Variants in REEP5 observed in about 807,000 individuals in gnomAD.
REEP5 encodes receptor accessory protein 5, also known as receptor expression-enhancing protein 5.
In REEP5, 24 loss-of-function variants were observed where a neutral mutation model predicts 22.4. That is an observed-to-expected ratio of 1.07 (90% CI 0.78 to 1.51). The LOEUF is 1.51. Among genes scored for constraint, REEP5 ranks in the 40% most tolerant of loss-of-function variants. The pLI is 0.00. For synonymous variants in REEP5, 103 were observed against 88.6 expected (o/e 1.16, Z -0.92); for missense variants, 252 against 233.0 (o/e 1.08, Z -0.53).
intron 2 of REEP5, among the ~76,000 whole-genome samples, chr5:112,919,451 G>A (rs1004727502): frequency 6.6e-6 from 1 of 152,028 alleles, no homozygotes. Flanking sequence ...GGGAGGCTGA[G>A]GCAGGAGAAT....
In REEP5 at chr5:112,921,162, C is replaced by A. The variant is rs1363931116; in HGVS notation, c.212+1G>T. ...GGACGGCTGCAGGGTGTGTCACTTA[C>A]GAGATGTAGGCTGGGTAGCCAAATC... On this transcript the variant is annotated splice_donor_variant, in intron 2 of 4. Transcript: ENST00000379638. LOFTEE classifies it high-confidence loss of function. The A allele has an allele frequency of 2.5e-6, 4 of 1,613,990 alleles. No individual in the cohort carries two copies. In the East Asian group the frequency reaches 8.9e-5, roughly 36 times the overall value.
chr5:112,916,348 T>C (rs567346705), intron 2 of REEP5, among the ~76,000 whole-genome samples: 2 of 152,362 alleles, frequency 1.3e-5, no homozygotes, highest in South Asian at 4.1e-4. Context: ...TACTTGTCTC[T>C]TGAAACAGAA....
At chr5:112,882,362 A>G (rs1322192768) in intron 4 of REEP5, among the ~76,000 whole-genome samples, 1 of 152,156 alleles carries the variant, frequency 6.6e-6, no homozygotes, top group East Asian at 1.9e-4. Context: ...ATCCTGATTC[A>G]GAGTTCTTCC....
At chr5:112,904,892 G>C (rs1479845329) in intron 2 of REEP5, among the ~76,000 whole-genome samples, 1 of 151,746 alleles carries the variant, frequency 6.6e-6, no homozygotes, top group Non-Finnish European at 1.5e-5. Flanking sequence ...TAATATACTA[G>C]AACACTATAT....
At chr5:112,913,157 T>C (rs1169783120) in intron 2 of REEP5, among the ~76,000 whole-genome samples, 2 of 151,782 alleles carry the variant, frequency 1.3e-5, no homozygotes, top group Admixed American at 1.3e-4. Flanking sequence ...CACAAAAAAT[T>C]GGTGGCAGAT....
chr5:112,897,199 A>AATACATACAT (rs985120467), intron 3 of REEP5: 3 of 152,204 alleles, frequency 2.0e-5, no homozygotes, highest in Non-Finnish European at 1.5e-5. Context: ...TTAAGACAGC[A>AATACATACAT]ATACATACAT....
rs60109818 is a variant in REEP5, at chr5:112,877,981, CTGTGTGTGTGTGTGTGTGTGTGTGTG to C, written c.*779_*804del. 6 of 147,644 alleles carry C rather than the reference CTGTGTGTGTGTGTGTGTGTGTGTGTG, an allele frequency of 4.1e-5. No individual in the cohort carries two copies. The highest frequency in any genetic ancestry group is 1.0e-4 in the African/African-American group (4 of 39,546). 9.1% of individuals were successfully genotyped at this position (147,644 alleles called of 1,614,324 possible). ...AGGGAATTGAGAGTTACAGGTTACT[CTGTGTGTGTGTGTGTGTGTGTGTGTG>C]TGTGTGTGTGTGTGTAAATTTCCCG... is the stretch of plus-strand genomic sequence containing the variant. On this transcript the variant is annotated 3_prime_UTR_variant, in exon 5 of 5. Coordinates refer to ENST00000379638, the MANE Select transcript of REEP5 (RefSeq NM_005669.5).
chr5:112,912,956 A>C (rs923588471), intron 2 of REEP5, among the ~76,000 whole-genome samples: 1 of 152,260 alleles, frequency 6.6e-6, no homozygotes, highest in Non-Finnish European at 1.5e-5. Context: ...TTCACTGCAG[A>C]GTATATGTGC....
intron 3 of REEP5, among the ~76,000 whole-genome samples, chr5:112,900,773 A>G (rs940309638): frequency 2.0e-5 from 3 of 152,100 alleles, no homozygotes; most frequent in African/African-American, 7.2e-5. Flanking sequence ...GCCTGATGGG[A>G]TAGCTGATAC....
intron 3 of REEP5, chr5:112,898,371 A>G (rs1768755516): frequency 6.6e-6 from 1 of 152,262 alleles, no homozygotes; most frequent in African/African-American, 2.4e-5. Context: ...CATGAACACT[A>G]TGATGCCATG....
chr5:112,900,554 T>C (rs1768816400), intron 3 of REEP5, among the ~76,000 whole-genome samples: 1 of 152,184 alleles, frequency 6.6e-6, no homozygotes, highest in African/African-American at 2.4e-5. Flanking sequence ...AGCTGTGAAC[T>C]ATAACCCAGG....
At chr5:112,918,503 G>T (rs1273105457) in intron 2 of REEP5, among the ~76,000 whole-genome samples, 1 of 152,290 alleles carries the variant, frequency 6.6e-6, no homozygotes, top group South Asian at 2.1e-4. Flanking sequence ...TCTTGTGATG[G>T]CCCAAGGAGA....
rs1389586235 is a variant in REEP5, at chr5:112,876,682, C to CAATT, written c.*2100_*2103dup. On this transcript the variant is annotated 3_prime_UTR_variant, in exon 5 of 5. Transcript: ENST00000379638. Reference sequence around the variant, plus strand: ...CTTGTTTTCTAGCCAGGCACAGGCTCAATTAGTTTTTCAAACTCTAGCCAA... The same window carrying CAATT: ...CTTGTTTTCTAGCCAGGCACAGGCTCAATTAATTAGTTTTTCAAACTCTAGCCAA... The CAATT allele has an allele frequency of 1.3e-5, 2 of 152,184 alleles. No individual in the cohort carries two copies. Among genetic ancestry groups the CAATT allele is most frequent in the Non-Finnish European group, 2.9e-5 (2 of 68,040 alleles). 9.4% of individuals were successfully genotyped at this position (152,184 alleles called of 1,614,324 possible). A position where few individuals can be genotyped will look rare whatever the true frequency, so the allele number is the denominator to read the frequency against.
chr5:112,882,619 C>T (rs73220063), intron 4 of REEP5, among the ~76,000 whole-genome samples: 9,314 of 152,242 alleles, frequency 0.061, 702 homozygotes, highest in African/African-American at 0.18. Flanking sequence ...TCCATTTACT[C>T]TCCAACTGTC....
At chr5:112,916,781 C>A (rs1769242002) in intron 2 of REEP5, among the ~76,000 whole-genome samples, 1 of 152,238 alleles carries the variant, frequency 6.6e-6, no homozygotes, top group Admixed American at 6.5e-5. Context: ...CCAGTTTCAT[C>A]ATCTGCTAGT....
In REEP5 at chr5:112,904,890, T is replaced by C. The variant is rs991150278; in HGVS notation, c.213-2372A>G. ...TTCTAAAGTCCCCATGTTAATATAC[T>C]AGAACACTATATAGTAACATTGAAA... On this transcript the variant is annotated intron_variant, in intron 2 of 4. Transcript: ENST00000379638. Among the ~76,000 whole-genome samples the C allele has an allele frequency of 8.5e-5, 13 of 152,248 alleles. No individual in the cohort carries two copies. In the East Asian group the frequency reaches 1.3e-3, roughly 16 times the overall value.
chr5:112,896,530 A>AT (rs1187313366), intron 3 of REEP5: 2 of 152,278 alleles, frequency 1.3e-5, no homozygotes, highest in African/African-American at 4.8e-5. Flanking sequence ...TCCATCTCAA[A>AT]AAAAAGAAAA....
At chr5:112,918,416 AG>A (rs893237039) in intron 2 of REEP5, among the ~76,000 whole-genome samples, 2 of 152,224 alleles carry the variant, frequency 1.3e-5, no homozygotes, top group Admixed American at 6.5e-5. Flanking sequence ...GAGAAAAGCT[AG>A]GAAGCCAAGT....
At chr5:112,917,537 C>T (rs1201007552) in intron 2 of REEP5, among the ~76,000 whole-genome samples, 3 of 152,154 alleles carry the variant, frequency 2.0e-5, no homozygotes, top group Admixed American at 2.0e-4. Context: ...GCAAACCTTC[C>T]CCTTTCCTTA....
Sources: gnomAD v4.1 joint callset for allele counts (sites outside exome capture counted in the v4.1 genomes callset) on GRCh38, gnomAD v4.1.1 for gene constraint, MANE v1.5 for transcripts, NCBI Gene and HGNC (gene_info 2026-07-23, HGNC 2026-07-21) for gene names.